PPFIBP1: variants seen among roughly 807,000 people sequenced by gnomAD.
The protein encoded by PPFIBP1 is liprin-beta-1.
A neutral mutation model predicts 137.8 loss-of-function variants in PPFIBP1; 112 were observed. The ratio of observed to expected loss-of-function variants is 0.81; its 90% CI spans 0.70 to 0.95. The LOEUF is 0.95. Ranked by LOEUF, PPFIBP1 falls within the 40% of genes least tolerant of loss-of-function variation. The probability of loss-of-function intolerance (pLI) is 0.00; values close to 1 mark genes in which losing one functional copy is unlikely to be tolerated. For missense variants in PPFIBP1, 1,083 were observed against 1,196.6 expected, an observed-to-expected ratio of 0.91 and a Z score of 1.40; for synonymous variants, 378 against 417.3, an observed-to-expected ratio of 0.91 and a Z score of 1.15.
At chr12:27,596,547 G>A (rs1489955295) in intron 2 of PPFIBP1, among the ~76,000 whole-genome samples, 3 of 151,860 alleles carry the variant, frequency 2.0e-5, no homozygotes, top group Admixed American at 6.6e-5. Flanking sequence ...TTAGAGACAG[G>A]GTCTCACTCT....
rs558242804 is a variant in PPFIBP1, at chr12:27,679,144, G to T, written c.1616-345G>T. ...AGAGTGGTCATGTCAAGAAGCAAAA[G>T]GAGATGATTTTGAAGGATGTAGCAG... On this transcript the variant is annotated intron_variant, in intron 19 of 29. Transcript: ENST00000228425. 2.0e-5 allele frequency among the ~76,000 whole-genome samples: 3 copies of T among 152,240 alleles called. No homozygotes were observed. In the East Asian group the frequency reaches 5.8e-4, roughly 29 times the overall value.
At chr12:27,573,464 T>C (rs1160441595) in intron 1 of PPFIBP1, among the ~76,000 whole-genome samples, 1 of 152,114 alleles carries the variant, frequency 6.6e-6, no homozygotes, top group African/African-American at 2.4e-5. Flanking sequence ...AAATAGGGTC[T>C]TTAACAAAGG....
chr12:27,649,941 A>G (rs1033468741), intron 6 of PPFIBP1, 69 bp from the exon 7 acceptor site: 5 of 1,430,352 alleles, frequency 3.5e-6, no homozygotes, highest in Non-Finnish European at 4.8e-6. Context: ...GTGCGATCAT[A>G]AATGAGGTAA....
intron 2 of PPFIBP1, among the ~76,000 whole-genome samples, chr12:27,581,012 A>C (rs759049151): frequency 6.6e-6 from 1 of 151,800 alleles, no homozygotes; most frequent in Non-Finnish European, 1.5e-5. Flanking sequence ...CTCCCACGTC[A>C]GTCTCCTGAG....
intron 2 of PPFIBP1, chr12:27,599,404 G>C (rs1484643732): frequency 2.2e-6 from 1 of 454,918 alleles, no homozygotes; most frequent in Non-Finnish European, 4.4e-6. Flanking sequence ...ACTCAGACTG[G>C]AGCTATACCC....
At chr12:27,541,147 C>T (rs1945607978) in intron 1 of PPFIBP1, among the ~76,000 whole-genome samples, 1 of 151,992 alleles carries the variant, frequency 6.6e-6, no homozygotes, top group African/African-American at 2.4e-5. Context: ...AAAATTATAT[C>T]CCAAAGTAGG....
chr12:27,557,068 C>G (rs1395656440), intron 1 of PPFIBP1, among the ~76,000 whole-genome samples: 2 of 151,872 alleles, frequency 1.3e-5, no homozygotes, highest in African/African-American at 4.8e-5. Flanking sequence ...TTTGAAAATC[C>G]TTCATGACTG....
At chr12:27,635,514 T>C (rs1052925857) in intron 4 of PPFIBP1, 43 of 253,788 alleles carry the variant, frequency 1.7e-4, no homozygotes, top group Non-Finnish European at 3.0e-4. Context: ...TGAAAGACTT[T>C]CAAAAAGCAA....
intron 1 of PPFIBP1, among the ~76,000 whole-genome samples, chr12:27,537,137 C>T (rs1457660993): frequency 2.0e-5 from 3 of 151,940 alleles, no homozygotes; most frequent in Non-Finnish European, 2.9e-5. Context: ...CCTTCTCTCT[C>T]TCTTTTTTTT....
chr12:27,631,456 T>C lies in PPFIBP1; in HGVS notation c.-35-1906T>C, dbSNP rs77420931. Among the ~76,000 whole-genome samples the C allele has an allele frequency of 4.4e-3, 670 of 152,320 alleles. 5 individuals carry two copies. Among genetic ancestry groups the C allele is most frequent in the Middle Eastern group, 0.024 (7 of 294 alleles). ...CACCTACCACCTTCGCCATGTTACA[T>C]ATGTGTTTATTACTTGTATGTACTG... On this transcript the variant is annotated intron_variant, in intron 2 of 29. Transcript: ENST00000228425.
At chr12:27,585,881 A>G (rs1291213402) in intron 2 of PPFIBP1, among the ~76,000 whole-genome samples, 1 of 152,216 alleles carries the variant, frequency 6.6e-6, no homozygotes, top group Non-Finnish European at 1.5e-5. Context: ...GGAACAAGTA[A>G]CATAAAGGTT....
intron 1 of PPFIBP1, among the ~76,000 whole-genome samples, chr12:27,555,647 A>G (rs1467011119): frequency 6.6e-6 from 1 of 152,226 alleles, no homozygotes; most frequent in Non-Finnish European, 1.5e-5. Flanking sequence ...ATGGAGAAAC[A>G]ATCACTTGGC....
At chr12:27,586,665 C>G (rs899034995) in intron 2 of PPFIBP1, among the ~76,000 whole-genome samples, 19 of 151,822 alleles carry the variant, frequency 1.3e-4, no homozygotes, top group Non-Finnish European at 1.8e-4. Context: ...CCACTGCACC[C>G]CAGCCTGGGC....
chr12:27,589,660 A>G (rs2052237914), intron 2 of PPFIBP1, among the ~76,000 whole-genome samples: 1 of 152,226 alleles, frequency 6.6e-6, no homozygotes, highest in South Asian at 2.1e-4. Context: ...AAACACAAGT[A>G]TGTCAGAAAT....
intron 6 of PPFIBP1, among the ~76,000 whole-genome samples, chr12:27,648,144 A>T (rs2058655124): frequency 6.6e-6 from 1 of 152,182 alleles, no homozygotes. Flanking sequence ...AAGAAAAAAT[A>T]TAATAGTAAA....
chr12:27,663,579 G>A (rs1274087595), intron 11 of PPFIBP1, among the ~76,000 whole-genome samples: 4 of 152,308 alleles, frequency 2.6e-5, no homozygotes, highest in South Asian at 2.1e-4. Context: ...GGTGGCTCAC[G>A]CCTGTAATCC....
At chr12:27,652,365 G>T (rs1367537174) in intron 7 of PPFIBP1, among the ~76,000 whole-genome samples, 1 of 152,176 alleles carries the variant, frequency 6.6e-6, no homozygotes, top group Non-Finnish European at 1.5e-5. Context: ...CTTGTGGTAA[G>T]AGCATACATG....
chr12:27,618,738 A>G (rs1592898481), intron 2 of PPFIBP1, among the ~76,000 whole-genome samples: 2 of 152,210 alleles, frequency 1.3e-5, no homozygotes, highest in South Asian at 4.1e-4. Flanking sequence ...TGTTCTCAGG[A>G]TCTCCTGAGG....
chr12:27,533,160 C>T (rs1944594458), intron 1 of PPFIBP1, among the ~76,000 whole-genome samples: 1 of 152,128 alleles, frequency 6.6e-6, no homozygotes, highest in Non-Finnish European at 1.5e-5. Flanking sequence ...GCCTCCATGC[C>T]TGGCTAAGTG....
Sources: gnomAD v4.1 joint callset for allele counts (sites outside exome capture counted in the v4.1 genomes callset) on GRCh38, gnomAD v4.1.1 for gene constraint, MANE v1.5 for transcripts, NCBI Gene and HGNC (gene_info 2026-07-23, HGNC 2026-07-21) for gene names.